The following VPS13B variants were observed in gnomAD, a reference collection of about 807,000 sequenced individuals.
VPS13B encodes the protein intermembrane lipid transfer protein VPS13B.
A neutral mutation model predicts 426.4 loss-of-function variants in VPS13B; 285 were observed. That is an observed-to-expected ratio of 0.67 (90% confidence interval 0.61 to 0.74). The LOEUF is 0.74. Ranked by LOEUF, VPS13B falls within the 30% of genes least tolerant of loss-of-function variation. VPS13B has a pLI of 0.00. For synonymous variants in VPS13B, 1,676 were observed against 1,676.4 expected (o/e 1.00, Z 0.01); for missense variants, 4,537 against 4,782.6 (o/e 0.95, Z 1.51).
intron 16 of VPS13B, among the ~76,000 whole-genome samples, chr8:99,189,007 C>T (rs745309834): frequency 6.6e-6 from 1 of 152,216 alleles, no homozygotes; most frequent in Admixed American, 6.5e-5. Flanking sequence ...TCACACCATT[C>T]TCCTGCCTCA....
intron 19 of VPS13B, among the ~76,000 whole-genome samples, chr8:99,318,498 T>C (rs867854544): frequency 1.3e-5 from 2 of 152,088 alleles, no homozygotes; most frequent in Admixed American, 6.6e-5. Flanking sequence ...ATCCTGTCAT[T>C]GAGAGTAACT....
At position 99,631,738 on chromosome 8, in the gene VPS13B, A is replaced by G. The variant is rs991155590; in HGVS notation, c.5221-10073A>G. Among the ~76,000 whole-genome samples the G allele has an allele frequency of 2.6e-5, 4 of 151,756 alleles. No homozygotes were observed. The Admixed American group carries it at 2.6e-4, about 10-fold the overall frequency. On this transcript the variant is annotated intron_variant, in intron 33 of 61. Transcript: ENST00000357162. ...GTGGGTGTGTGTTTTATATATACAT[A>G]TATATATTTTATTGGCTGGCTTCCC... is the stretch of plus-strand genomic sequence containing the variant.
At chr8:99,767,678 C>T (rs1811295933) in intron 40 of VPS13B, among the ~76,000 whole-genome samples, 1 of 152,084 alleles carries the variant, frequency 6.6e-6, no homozygotes, top group African/African-American at 2.4e-5. Flanking sequence ...GTTGTAATCC[C>T]AGCACTTTGG....
At chr8:99,737,578 A>C (rs575757182) in intron 39 of VPS13B, among the ~76,000 whole-genome samples, 1 of 152,264 alleles carries the variant, frequency 6.6e-6, no homozygotes, top group Non-Finnish European at 1.5e-5. Flanking sequence ...TCTAATTTCT[A>C]TTTCATTACC....
At chr8:99,136,835 G>A in intron 12 of VPS13B, 83 bp downstream of exon 12, 3 of 1,281,768 alleles carry the variant, frequency 2.3e-6, no homozygotes, top group East Asian at 2.3e-5. Context: ...TCCTTGACTG[G>A]TTGTACTCTG....
chr8:99,424,190 G>A (rs1301160415), intron 21 of VPS13B: 1 of 151,604 alleles, frequency 6.6e-6, no homozygotes, highest in Non-Finnish European at 1.5e-5. Context: ...TTTGATCTTT[G>A]TTGGTTTAAA....
intron 61 of VPS13B, chr8:99,873,397 A>C (rs1817533043): frequency 6.6e-6 from 1 of 152,186 alleles, no homozygotes. Flanking sequence ...TCAGAGAAGC[A>C]ACACTGAAGC....
intron 3 of VPS13B, among the ~76,000 whole-genome samples, chr8:99,053,132 A>C (rs868567962): frequency 9.9e-5 from 15 of 151,062 alleles, no homozygotes; most frequent in African/African-American, 3.6e-4. Flanking sequence ...TTATTTAATT[A>C]TTTATTTATT....
At position 99,389,230 on chromosome 8, in the gene VPS13B, C is replaced by T. The variant is rs557662189; in HGVS notation, c.2935-2327C>T. Among the ~76,000 whole-genome samples, 14 of 152,074 alleles carry T rather than the reference C, an allele frequency of 9.2e-5. No homozygotes were observed. In the East Asian group the frequency reaches 9.7e-4, roughly 11 times the overall value. On this transcript the variant is annotated intron_variant, in intron 20 of 61. Transcript: ENST00000357162. ...TTGTTGTTTAGTATTGTCAGTACCA[C>T]GAAAATTTATTGGATCTATAAAATT...
rs765025227 is a variant in VPS13B, at chr8:99,699,632, G to A, written c.6154G>A (p.Ala2052Thr). 31 of 1,613,892 alleles carry A rather than the reference G, an allele frequency of 1.9e-5. No homozygotes were observed. The highest frequency in any genetic ancestry group is 2.4e-5 in the Non-Finnish European group (28 of 1,180,006). The change falls in exon 36 of 62, where the codon GCA (alanine) becomes ACA (threonine). Residue 2052 changes from alanine to threonine, a missense_variant. Ala to Thr is a moderately conservative substitution (Grantham distance 58, BLOSUM62 0). This residue lies in a region of VPS13B where 4,311 missense variants were observed against 4,474.3 expected (regional missense o/e 0.96). Transcript: ENST00000357162. ...GAAGATAAAAAATGCACACAGTTTGGCACATAGTGAAGAGACTTCAGCCAT... is the reference window on the plus strand; with the variant it reads ...GAAGATAAAAAATGCACACAGTTTGACACATAGTGAAGAGACTTCAGCCAT... ...LKKIKNAHSL[A>T]HSEETSAMSN...
At chr8:99,472,129 A>G (rs946619196) in intron 24 of VPS13B, among the ~76,000 whole-genome samples, 5 of 152,124 alleles carry the variant, frequency 3.3e-5, no homozygotes, top group Admixed American at 3.3e-4. Flanking sequence ...ATTAAGGGAA[A>G]AAGATAGAGA....
intron 35 of VPS13B, among the ~76,000 whole-genome samples, chr8:99,676,783 A>G (rs1268569841): frequency 2.6e-5 from 4 of 152,062 alleles, no homozygotes; most frequent in Non-Finnish European, 4.4e-5. Flanking sequence ...CTCCACCCTC[A>G]TAATATGATT....
chr8:99,794,182 A>G (rs1033015306), intron 43 of VPS13B, among the ~76,000 whole-genome samples: 6 of 152,212 alleles, frequency 3.9e-5, no homozygotes, highest in Non-Finnish European at 5.9e-5. Flanking sequence ...AGACATCCAA[A>G]TGGACATGTA....
chr8:99,430,907 G>A (rs561353685), intron 21 of VPS13B, among the ~76,000 whole-genome samples: 87 of 152,136 alleles, frequency 5.7e-4, no homozygotes, highest in African/African-American at 2.0e-3. Context: ...TAGTAGAGAC[G>A]GGGTTTCACC....
At position 99,343,242 on chromosome 8, in the gene VPS13B, C is replaced by T. The variant is rs189585446; in HGVS notation, c.2825-40966C>T. 2.2e-4 allele frequency among the ~76,000 whole-genome samples: 34 copies of T among 152,026 alleles called. No individual in the cohort carries two copies. In the East Asian group the frequency reaches 6.2e-3, roughly 28 times the overall value. ...CTGAGTAGCTGGCACTACAGGCACG[C>T]ACCACCATGCCCAGCTAATTTTTGT... is the stretch of plus-strand genomic sequence containing the variant. On this transcript the variant is annotated intron_variant, in intron 19 of 61. Coordinates refer to ENST00000357162, the MANE Select transcript of VPS13B (RefSeq NM_152564.5).
In VPS13B at chr8:99,575,725, A is replaced by G. The variant is rs1224933519; in HGVS notation, c.5017A>G (p.Thr1673Ala). Residue 1673 changes from threonine (T) to alanine (A), a missense_variant, in exon 32 of 62, where the codon ACT becomes GCT. Coordinates refer to ENST00000357162, the MANE Select transcript of VPS13B (RefSeq NM_152564.5). ...PVLTDFSVRI[T>A]GAPAVIFTKV... ...TTTGACAGATTTTTCTGTCCGAATA[A>G]CTGGAGCACCTGCTGTCATTTTCAC... is the stretch of plus-strand genomic sequence containing the variant. 5 of 1,613,756 alleles carry G rather than the reference A, an allele frequency of 3.1e-6. No homozygotes were observed. In the East Asian group the frequency reaches 6.7e-5, roughly 22 times the overall value.
intron 23 of VPS13B, among the ~76,000 whole-genome samples, chr8:99,466,908 A>G (rs538342973): frequency 4.1e-4 from 63 of 152,286 alleles, no homozygotes; most frequent in Non-Finnish European, 7.4e-4. Context: ...TCAGTACCAT[A>G]GATAAAATCA....
chr8:99,752,022 C>T (rs893468827), intron 39 of VPS13B, among the ~76,000 whole-genome samples: 2 of 152,084 alleles, frequency 1.3e-5, no homozygotes, highest in African/African-American at 2.4e-5. Flanking sequence ...TATCTGTCTT[C>T]GTTGACTGTT....
At chr8:99,822,562 C>T (rs1208662658) in intron 50 of VPS13B, among the ~76,000 whole-genome samples, 1 of 152,200 alleles carries the variant, frequency 6.6e-6, no homozygotes, top group Non-Finnish European at 1.5e-5. Flanking sequence ...CACCCAATAC[C>T]TCTAGCACCT....
Sources: gnomAD v4.1 joint callset for allele counts (sites outside exome capture counted in the v4.1 genomes callset) on GRCh38, gnomAD v4.1.1 for gene constraint, gnomAD v4.1.1 regional missense constraint, MANE v1.5 for transcripts, NCBI Gene and HGNC (gene_info 2026-07-23, HGNC 2026-07-21) for gene names.